The following IFT57 variants were observed in gnomAD, a reference collection of about 807,000 sequenced individuals.
IFT57 encodes the protein intraflagellar transport 57, also known as intraflagellar transport protein 57 homolog.
Under a neutral mutation model 56.8 loss-of-function variants are expected in IFT57, and 59 were observed. That is an observed-to-expected ratio of 1.04 (90% confidence interval 0.84 to 1.29). The LOEUF (loss-of-function observed/expected upper bound fraction) is 1.29, where lower values mean the gene tolerates loss of function less well. IFT57 is among the 50% of genes most tolerant of loss of function. IFT57 has a pLI of 0.00. For missense variants in IFT57, 470 were observed against 522.1 expected (o/e 0.90, Z 0.97); for synonymous variants, 209 against 186.1 (o/e 1.12, Z -1.00).
chr3:108,176,832 T>A (rs1347945449), intron 6 of IFT57, among the ~76,000 whole-genome samples: 1 of 151,802 alleles, frequency 6.6e-6, no homozygotes, highest in African/African-American at 2.4e-5. Context: ...GGGATCTTTT[T>A]AAATCTAATA....
chr3:108,174,581 T>G (rs28406754), intron 6 of IFT57, among the ~76,000 whole-genome samples: 14,312 of 151,222 alleles, frequency 0.095, 739 homozygotes, highest in Middle Eastern at 0.11. Flanking sequence ...CTTTAAGAGG[T>G]TTATGAGATT....
At chr3:108,216,740 G>T (rs534271039) in intron 3 of IFT57, among the ~76,000 whole-genome samples, 1 of 152,122 alleles carries the variant, frequency 6.6e-6, no homozygotes, top group Admixed American at 6.5e-5. Context: ...ATCCATCAAA[G>T]GTTGAATAGA....
At chr3:108,214,338 C>G (rs1158642112) in intron 3 of IFT57, among the ~76,000 whole-genome samples, 2 of 152,042 alleles carry the variant, frequency 1.3e-5, no homozygotes, top group African/African-American at 4.8e-5. Flanking sequence ...TTTCATTGAA[C>G]AATCAATACC....
intron 8 of IFT57, 42 bp downstream of exon 8, chr3:108,166,812 T>C (rs56095824): frequency 0.011 from 16,927 of 1,568,336 alleles, 107 homozygotes; most frequent in Non-Finnish European, 0.012. Context: ...GGGTTTAGGG[T>C]TGTTAACTTG....
At chr3:108,173,406 T>G (rs1254564922) in intron 6 of IFT57, among the ~76,000 whole-genome samples, 1 of 151,760 alleles carries the variant, frequency 6.6e-6, no homozygotes, top group African/African-American at 2.4e-5. Context: ...GGCTTCATAA[T>G]TAAAATTGCT....
chr3:108,218,644 C>A lies in IFT57; in HGVS notation c.385G>T (p.Ala129Ser). ...LSELRSFGRTADFPPSKLKSG... is the reference protein window; with the variant it reads ...LSELRSFGRTSDFPPSKLKSG... The stretch of plus-strand genomic sequence containing the variant: ...TTTAATTTTGAAGGAGGAAAATCTG[C>A]AGTTCTTCCCTGAAAAACAAAAGAA... The change falls in exon 3 of 11, where the codon GCA (alanine) becomes TCA (serine). Residue 129 changes from alanine (A) to serine (S), a missense_variant. By Grantham distance (99) the Ala-to-Ser change is moderately conservative. Coordinates refer to ENST00000264538, the MANE Select transcript of IFT57 (RefSeq NM_018010.4). The A allele has an allele frequency of 6.7e-7, 1 of 1,484,734 alleles. No homozygotes were observed. The highest frequency in any genetic ancestry group is 2.5e-5 in the East Asian group (1 of 39,582). 92.0% of individuals were successfully genotyped at this position (1,484,734 alleles called of 1,614,324 possible).
chr3:108,192,736 A>T (rs1000066187), intron 5 of IFT57, among the ~76,000 whole-genome samples: 1 of 152,140 alleles, frequency 6.6e-6, no homozygotes, highest in Non-Finnish European at 1.5e-5. Flanking sequence ...TAATTTGAAT[A>T]ATCTATAAAA....
intron 4 of IFT57, among the ~76,000 whole-genome samples, chr3:108,208,353 A>G (rs2108324963): frequency 6.6e-6 from 1 of 152,342 alleles, no homozygotes; most frequent in South Asian, 2.1e-4. Context: ...TCAAATGTCA[A>G]TGACTCAATG....
chr3:108,172,347 A>G (rs2080098305), intron 6 of IFT57, among the ~76,000 whole-genome samples: 1 of 151,906 alleles, frequency 6.6e-6, no homozygotes, highest in South Asian at 2.1e-4. Flanking sequence ...ATGGATCACA[A>G]GAAAATAAAG....
chr3:108,167,392 C>A (rs968058462), intron 7 of IFT57, among the ~76,000 whole-genome samples: 1 of 151,900 alleles, frequency 6.6e-6, no homozygotes, highest in Non-Finnish European at 1.5e-5. Context: ...ACTTTTCAGT[C>A]TAGCTTTGCT....
At chr3:108,204,776 T>A in intron 5 of IFT57, among the ~76,000 whole-genome samples, 1 of 152,142 alleles carries the variant, frequency 6.6e-6, no homozygotes, top group East Asian at 1.9e-4. Context: ...AGCAATAGAC[T>A]TGGAGTTTGG....
Position 108,218,610 on chromosome 3 carries a change from T to C in IFT57, c.419A>G (p.Tyr140Cys). The change falls in exon 3 of 11, where the codon TAT becomes TGT. Residue 140 changes from tyrosine (Y) to cysteine (C), a missense_variant. Physicochemically the swap from Tyr to Cys is radical, Grantham distance 194. Transcript: ENST00000264538. Reference protein sequence around the residue: ...DFPPSKLKSGYGEHVCYVLDC... With the variant: ...DFPPSKLKSGCGEHVCYVLDC... ...AAGAACATAGCATACATGTTCTCCATAACCTGACTTTAATTTTGAAGGAGG... is the reference window on the plus strand; with the variant it reads ...AAGAACATAGCATACATGTTCTCCACAACCTGACTTTAATTTTGAAGGAGG... 3 of 1,547,872 alleles carry C rather than the reference T, an allele frequency of 1.9e-6. No homozygotes were observed. Among genetic ancestry groups the C allele is most frequent in the African/African-American group, 1.4e-5 (1 of 71,470 alleles).
At chr3:108,204,287 A>G (rs368541918) in intron 5 of IFT57, among the ~76,000 whole-genome samples, 1 of 152,176 alleles carries the variant, frequency 6.6e-6, no homozygotes. Context: ...TGGAAATACA[A>G]CTATACATAG....
chr3:108,191,691 G>A, intron 5 of IFT57, 48 bp from the exon 6 acceptor site: 2 of 1,502,726 alleles, frequency 1.3e-6, no homozygotes, highest in Non-Finnish European at 1.8e-6. Flanking sequence ...AAAAAGAAAT[G>A]GTAAAAATTT....
At chr3:108,207,446 A>G (rs2080319721) in intron 4 of IFT57, among the ~76,000 whole-genome samples, 1 of 152,176 alleles carries the variant, frequency 6.6e-6, no homozygotes, top group Non-Finnish European at 1.5e-5. Flanking sequence ...GACAAGTGCC[A>G]TAGTAAGTAA....
At chr3:108,210,841 C>T (rs948882122) in intron 4 of IFT57, among the ~76,000 whole-genome samples, 2 of 152,110 alleles carry the variant, frequency 1.3e-5, no homozygotes, top group African/African-American at 4.8e-5. Context: ...AGGGCCAACC[C>T]CTTTGAGGAA....
intron 6 of IFT57, among the ~76,000 whole-genome samples, chr3:108,180,115 T>A (rs2080144303): frequency 6.6e-6 from 1 of 152,030 alleles, no homozygotes; most frequent in Non-Finnish European, 1.5e-5. Context: ...ATCACAGAAT[T>A]GAAACTGGAG....
chr3:108,187,750 A>AC (rs2080192677), intron 6 of IFT57, among the ~76,000 whole-genome samples: 1 of 152,054 alleles, frequency 6.6e-6, no homozygotes, highest in African/African-American at 2.4e-5. Flanking sequence ...GTCCTTTACT[A>AC]CTTGTCTCTC....
At chr3:108,166,602 C>G (rs879416897) in intron 8 of IFT57, among the ~76,000 whole-genome samples, 1 of 152,082 alleles carries the variant, frequency 6.6e-6, no homozygotes, top group East Asian at 1.9e-4. Context: ...GTTCCCCCAA[C>G]AGCATATGCC....
Sources: allele counts gnomAD v4.1 joint callset (sites outside exome capture counted in the v4.1 genomes callset), GRCh38; gene constraint gnomAD v4.1.1; transcripts MANE v1.5; gene names NCBI Gene and HGNC (gene_info 2026-07-23, HGNC 2026-07-21).